Variants in ZNF688 observed in about 807,000 individuals in gnomAD.
ZNF688 encodes zinc finger protein 688.
In ZNF688, 10 loss-of-function variants were observed where a neutral mutation model predicts 13.2. That is an observed-to-expected ratio of 0.76 (90% CI 0.47 to 1.28). ZNF688 has a LOEUF of 1.28. Among genes scored for constraint, ZNF688 ranks in the 50% most tolerant of loss-of-function variants. ZNF688 has a pLI of 0.00. For synonymous variants in ZNF688, 160 were observed against 159.4 expected (o/e 1.00, Z -0.03); for missense variants, 381 against 391.4 (o/e 0.97, Z 0.22).
upstream of ZNF688, chr16:30,572,297 C>T (rs897026614): frequency 6.8e-7 from 1 of 1,468,778 alleles, no homozygotes; most frequent in Non-Finnish European, 9.1e-7. Flanking sequence ...GGGATTGTGT[C>T]CCCTACGGTC....
chr16:30,572,181 G>A (rs2051697608), upstream of ZNF688: 1 of 1,607,394 alleles, frequency 6.2e-7, no homozygotes, highest in Non-Finnish European at 8.5e-7. Context: ...AAGAAGCTGC[G>A]CGGTGATTGG....
Position 30,571,703 on chromosome 16 carries a change from C to G in ZNF688, c.-74G>C, listed in dbSNP as rs1431492004. 5 of 1,354,672 alleles carry G rather than the reference C, an allele frequency of 3.7e-6. No homozygotes were observed. The highest frequency in any genetic ancestry group is 3.8e-5 in the South Asian group (2 of 52,882). 83.9% of individuals were successfully genotyped at this position (1,354,672 alleles called of 1,614,324 possible). The stretch of plus-strand genomic sequence containing the variant: ...CCTCCCCGCTCCCGGCCTCAGCTGT[C>G]GTTGTCCACAGGAAGGGCGGCCCCG... On this transcript the variant is annotated 5_prime_UTR_variant, in exon 1 of 3. Transcript: ENST00000223459.
At chr16:30,576,387 T>C (rs1251797014), upstream of ZNF688, among the ~76,000 whole-genome samples, 3 of 152,234 alleles carry the variant, frequency 2.0e-5, no homozygotes, top group Non-Finnish European at 2.9e-5. Flanking sequence ...ATTTTTTGTA[T>C]TTTTAGAAGA....
upstream of ZNF688, chr16:30,572,330 G>GAT (rs2051700959): frequency 3.6e-6 from 5 of 1,391,538 alleles, no homozygotes; most frequent in Admixed American, 2.8e-5. Flanking sequence ...TCCCGATGGC[G>GAT]GGAGCTGGAA....
upstream of ZNF688, chr16:30,571,841 C>A (rs2051691696): frequency 7.7e-7 from 1 of 1,294,164 alleles, no homozygotes; most frequent in Non-Finnish European, 9.7e-7. Context: ...TTATTCACTT[C>A]ATGGCCGCTT....
upstream of ZNF688, among the ~76,000 whole-genome samples, chr16:30,576,284 T>C (rs2051746814): frequency 6.6e-6 from 1 of 152,244 alleles, no homozygotes; most frequent in South Asian, 2.1e-4. Flanking sequence ...CGATCTTGGC[T>C]CACTGCAAGC....
chr16:30,570,611 G>A, intron 2 of ZNF688, 175 bp from the exon 3 acceptor site: 2 of 727,012 alleles, frequency 2.8e-6, no homozygotes. Flanking sequence ...CTGAGCCTTG[G>A]TTCCTTATGC....
rs750113192 is a variant in ZNF688 at position 30,570,357 on chromosome 16, C to G, written c.390G>C (p.Glu130Asp). The G allele has an allele frequency of 1.4e-5, 23 of 1,613,972 alleles. No individual in the cohort carries two copies. In the South Asian group the frequency reaches 2.3e-4, roughly 16 times the overall value. ...AKGPRKAPVKESPEVLVERNP... is the reference protein window; with the variant it reads ...AKGPRKAPVKDSPEVLVERNP... Reference sequence around the variant, plus strand: ...TGCGTTCCACCAGCACTTCAGGACTCTCCTTCACAGGAGCCTTTCTAGGCC... The same window carrying G: ...TGCGTTCCACCAGCACTTCAGGACTGTCCTTCACAGGAGCCTTTCTAGGCC... Residue 130 changes from glutamate to aspartate, a missense_variant, in exon 3 of 3, where the codon GAG (glutamate) becomes GAC (aspartate). Glu to Asp is a conservative substitution (Grantham distance 45). Transcript: ENST00000223459.
chr16:30,578,511 G>A, the ZNF688 span: 1 of 152,140 alleles, frequency 6.6e-6, no homozygotes, highest in African/African-American at 2.4e-5. Flanking sequence ...TGAACTTTAA[G>A]TGGGAGCTGA....
chr16:30,577,606 C>A (rs1313734688), upstream of ZNF688, among the ~76,000 whole-genome samples: 2 of 151,714 alleles, frequency 1.3e-5, no homozygotes, highest in South Asian at 4.2e-4. Flanking sequence ...GATCTCCTGA[C>A]CTCGTGATCC....
chr16:30,571,925 AG>A (rs1012757467), upstream of ZNF688: 3 of 1,285,766 alleles, frequency 2.3e-6, no homozygotes, highest in African/African-American at 4.6e-5. Context: ...CAATTGTCAC[AG>A]GCTGCTCTTA....
upstream of ZNF688, chr16:30,572,123 C>T (rs1480922252): frequency 1.9e-6 from 3 of 1,594,450 alleles, no homozygotes; most frequent in East Asian, 4.6e-5. Context: ...TTCACTTACC[C>T]CTCTGTACCC....
chr16:30,577,248 C>A (rs945763206), upstream of ZNF688, among the ~76,000 whole-genome samples: 6 of 152,096 alleles, frequency 3.9e-5, no homozygotes, highest in Non-Finnish European at 7.3e-5. Context: ...AACAGAGTAG[C>A]AACTTGAACC....
rs780826347 is a variant in ZNF688, at chr16:30,571,523, G to T, written c.107C>A (p.Ser36Tyr). The T allele has an allele frequency of 6.3e-6, 10 of 1,589,616 alleles. No individual in the cohort carries two copies. The highest frequency in any genetic ancestry group is 4.6e-5 in the East Asian group (2 of 43,506). ...VSFADVAVYF[S>Y]PEEWGCLRPA... ...CCGCAGACAGCCCCACTCCTCCGGG[G>T]AGAAGTACACGGCCACGTCCGCGAA... is the stretch of plus-strand genomic sequence containing the variant. Residue 36 changes from serine to tyrosine, a missense_variant, in exon 1 of 3, where the codon TCC (serine) becomes TAC (tyrosine). Coordinates refer to ENST00000223459, the MANE Select transcript of ZNF688 (RefSeq NM_145271.4).
At position 30,571,506 on chromosome 16, in the gene ZNF688, A is replaced by G; in HGVS notation, c.124T>C (p.Cys42Arg). 6.3e-7 allele frequency: 1 copy of G among 1,590,500 alleles called. No individual in the cohort carries two copies. The highest frequency in any genetic ancestry group is 1.8e-5 in the Admixed American group (1 of 56,842). The part of the protein sequence containing the change: ...AVYFSPEEWG[C>R]LRPAQRALYR... ...AGAGCCCTCTGCGCGGGCCGCAGAC[A>G]GCCCCACTCCTCCGGGGAGAAGTAC... The change falls in exon 1 of 3, where the codon TGT (cysteine) becomes CGT (arginine). Residue 42 changes from cysteine (C) to arginine (R), a missense_variant. Physicochemically the swap from Cys to Arg is radical, Grantham distance 180. Coordinates refer to ENST00000223459, the MANE Select transcript of ZNF688 (RefSeq NM_145271.4).
upstream of ZNF688, chr16:30,572,519 G>A (rs1450249578): frequency 2.5e-6 from 1 of 406,944 alleles, no homozygotes; most frequent in Non-Finnish European, 4.3e-6. Context: ...AACGTGCTTG[G>A]TGAGGATGGA....
Position 30,571,625 on chromosome 16 carries a change from G to T in ZNF688, c.5C>A (p.Ala2Glu). Residue 2 changes from alanine (A) to glutamate (E), a missense_variant, in exon 1 of 3, where the codon GCG (alanine) becomes GAG (glutamate). By Grantham distance (107) the Ala-to-Glu change is moderately radical. Coordinates refer to ENST00000223459, the MANE Select transcript of ZNF688 (RefSeq NM_145271.4). ...CGCCAGGAGCGGGGCTGGGGGCGGC[G>T]CCATGGGGCCTCGCAGCCCCGATCG... M[A>E]PPPAPLLAPR... is the part of the protein sequence containing the mutation. 6.8e-7 allele frequency: 1 copy of T among 1,461,282 alleles called. No homozygotes were observed. The highest frequency in any genetic ancestry group is 9.0e-7 in the Non-Finnish European group (1 of 1,111,428). The allele number at this position is 1,461,282 out of a possible 1,614,324, so 90.5% of individuals were successfully genotyped here.
At position 30,569,747 on chromosome 16, in the gene ZNF688, T is replaced by C. The variant is rs147514365; in HGVS notation, c.*169A>G. The C allele has an allele frequency of 2.3e-3, 1,297 of 560,226 alleles. 3 individuals carry two copies. The highest frequency in any genetic ancestry group is 2.7e-3 in the Non-Finnish European group (979 of 365,502). The allele number at this position is 560,226 out of a possible 1,614,324, so 34.7% of individuals were successfully genotyped here. A position where few individuals can be genotyped will look rare whatever the true frequency, so the allele number is the denominator to read the frequency against. Reference sequence around the variant, plus strand: ...GAGATGGGTGGCAAGTCTAATCTATTCGAATCTTTACAGGCACTTTTCTTT... The same window carrying C: ...GAGATGGGTGGCAAGTCTAATCTATCCGAATCTTTACAGGCACTTTTCTTT... On this transcript the variant is annotated 3_prime_UTR_variant, in exon 3 of 3. Coordinates refer to ENST00000223459, the MANE Select transcript of ZNF688 (RefSeq NM_145271.4).
At chr16:30,570,559 G>A (rs1192050433) in intron 2 of ZNF688, 123 bp from the exon 3 acceptor site, 18 of 1,246,474 alleles carry the variant, frequency 1.4e-5, no homozygotes, top group Non-Finnish European at 1.8e-5. Context: ...ACAGGCTTTA[G>A]AACAAGGTAA....
Sources: allele counts gnomAD v4.1 joint callset (sites outside exome capture counted in the v4.1 genomes callset), GRCh38; gene constraint gnomAD v4.1.1; transcripts MANE v1.5; gene names NCBI Gene and HGNC (gene_info 2026-07-23, HGNC 2026-07-21).